The following COL6A5 variants were observed in gnomAD, a reference collection of about 807,000 sequenced individuals.
The protein encoded by COL6A5 is collagen alpha-5(VI) chain.
A neutral mutation model predicts 65.6 loss-of-function variants in COL6A5; 48 were observed. That is an observed-to-expected ratio of 0.73 (90% CI 0.58 to 0.93). The LOEUF (loss-of-function observed/expected upper bound fraction) is 0.93. Among genes scored for constraint, COL6A5 ranks in the 40% least tolerant of loss-of-function variants. COL6A5 has a pLI of 0.00. For synonymous variants in COL6A5, 291 were observed against 322.8 expected (o/e 0.90, Z 1.05); for missense variants, 914 against 928.3 (o/e 0.98, Z 0.20).
exon 8 of COL6A5, chr3:130,395,036 G>A (rs781494208): frequency 8.4e-6 from 13 of 1,551,468 alleles, no homozygotes; most frequent in Non-Finnish European, 9.6e-6. Flanking sequence ...AATTGGTATG[G>A]CTCAATTTGG....
At chr3:130,481,491 T>C (rs943995693) in intron 7 of COL6A5, among the ~76,000 whole-genome samples, 2 of 152,190 alleles carry the variant, frequency 1.3e-5, no homozygotes, top group Non-Finnish European at 2.9e-5. Flanking sequence ...TTGTGAATAG[T>C]GCTGCAGTAA....
chr3:130,388,570 TAACA>T lies in COL6A5; in HGVS notation c.1862-9_1862-6del. ...TGGTTATTTCTGGTCTTTTTTTTTATAACATGCAGGATGTGAAGACATGAAGGCC... is the reference window on the plus strand; with the variant it reads ...TGGTTATTTCTGGTCTTTTTTTTTATTGCAGGATGTGAAGACATGAAGGCC... On this transcript the variant is annotated splice_polypyrimidine_tract_variant and splice_region_variant and intron_variant and NMD_transcript_variant, in intron 5 of 41. Transcript: ENST00000312481. 6 of 1,499,632 alleles carry T rather than the reference TAACA, an allele frequency of 4.0e-6. No homozygotes were observed. The Admixed American group carries it at 1.2e-4, about 31-fold the overall frequency. 92.9% of individuals were successfully genotyped at this position (1,499,632 alleles called of 1,614,324 possible).
intron 1 of COL6A5, 113 bp from the exon 2 acceptor site, chr3:130,373,498 C>T (rs189764221): frequency 3.2e-4 from 192 of 608,592 alleles, no homozygotes; most frequent in Admixed American, 2.2e-4. Context: ...ACACACTTGG[C>T]ACTGCTTGAC....
At position 130,410,219 on chromosome 3, in the gene COL6A5, G is replaced by T; in HGVS notation, c.4608+145G>T. 4.3e-6 allele frequency: 3 copies of T among 694,818 alleles called. No homozygotes were observed. The South Asian group carries it at 6.0e-5, about 14-fold the overall frequency. The allele number at this position is 694,818 out of a possible 1,614,324, so 43.0% of individuals were successfully genotyped here. On this transcript the variant is annotated intron_variant and NMD_transcript_variant, in intron 19 of 41. Coordinates refer to the COL6A5 transcript ENST00000312481. ...CTTTATTTTTTGATGATGCATATTT[G>T]TAGTAGGGTATACTTTTAAGAGCAA...
intron 3 of COL6A5, among the ~76,000 whole-genome samples, chr3:130,441,494 T>C (rs1427814100): frequency 6.6e-6 from 1 of 152,170 alleles, no homozygotes; most frequent in Admixed American, 6.5e-5. Context: ...TTAAGGCAAT[T>C]TGACATTGAT....
rs1935943236 is a variant in COL6A5, at chr3:130,380,055, G to GT, written c.1300+11dup. On this transcript the variant is annotated splice_donor_region_variant and intron_variant and NMD_transcript_variant, in intron 4 of 41. Transcript: ENST00000312481. ...AAAGGAATCTTGATAAAACTGGTATGTTTTTTAAAATACTTTTCTAATTAT... is the reference window on the plus strand; with the variant it reads ...AAAGGAATCTTGATAAAACTGGTATGTTTTTTTAAAATACTTTTCTAATTAT... The GT allele has an allele frequency of 8.7e-6, 13 of 1,490,350 alleles. No homozygotes were observed. Among genetic ancestry groups the GT allele is most frequent in the Non-Finnish European group, 1.2e-5 (13 of 1,116,686 alleles). 92.3% of individuals were successfully genotyped at this position (1,490,350 alleles called of 1,614,324 possible).
intron 1 of COL6A5, among the ~76,000 whole-genome samples, chr3:130,351,401 T>C (rs1934700745): frequency 6.6e-6 from 1 of 152,202 alleles, no homozygotes; most frequent in Non-Finnish European, 1.5e-5. Flanking sequence ...AGAGAATTTT[T>C]GCAATCTACC....
chr3:130,418,807 T>C (rs1937437298), intron 24 of COL6A5, 62 bp from the exon 25 acceptor site: 1 of 1,345,412 alleles, frequency 7.4e-7, no homozygotes, highest in South Asian at 1.2e-5. Flanking sequence ...GGACAGAACT[T>C]ACCGTGGTAG....
intron 3 of COL6A5, among the ~76,000 whole-genome samples, chr3:130,441,750 G>T (rs1169477963): frequency 1.3e-5 from 2 of 152,060 alleles, no homozygotes; most frequent in South Asian, 2.1e-4. Context: ...AGAGGTCAGG[G>T]ATATTGCTAA....
chr3:130,388,740 T>C, exon 6 of COL6A5: 1 of 1,551,396 alleles, frequency 6.4e-7, no homozygotes, highest in Non-Finnish European at 8.7e-7. Flanking sequence ...AGTTCAGTGA[T>C]AAAACTAAGG....
chr3:130,463,489 A>G (rs1216312336), intron 5 of COL6A5, among the ~76,000 whole-genome samples: 1 of 151,970 alleles, frequency 6.6e-6, no homozygotes, highest in Admixed American at 6.6e-5. Context: ...GCTTCTCCCT[A>G]ATGTTACTGG....
upstream of COL6A5, chr3:130,429,649 C>A: frequency 4.4e-6 from 6 of 1,378,160 alleles, no homozygotes; most frequent in Non-Finnish European, 5.9e-6. Flanking sequence ...CAAGACCAAT[C>A]TGAAAGATGC....
chr3:130,440,040 A>T, intron 2 of COL6A5, 126 bp from the exon 35 acceptor site: 3 of 772,346 alleles, frequency 3.9e-6, no homozygotes, highest in Non-Finnish European at 4.1e-6. Flanking sequence ...AAATTATGTG[A>T]GATCAAAGAG....
At chr3:130,352,723 A>C (rs937549757) in intron 1 of COL6A5, among the ~76,000 whole-genome samples, 1 of 152,184 alleles carries the variant, frequency 6.6e-6, no homozygotes, top group Non-Finnish European at 1.5e-5. Flanking sequence ...AGAAGAAATG[A>C]GATAATAAAG....
intron 17 of COL6A5, among the ~76,000 whole-genome samples, chr3:130,408,883 G>A (rs975720113): frequency 6.6e-6 from 1 of 152,182 alleles, no homozygotes; most frequent in Non-Finnish European, 1.5e-5. Flanking sequence ...TATAGATGTT[G>A]GAAGTTGCTA....
rs538662430 is a variant in COL6A5 at position 130,358,437 on chromosome 3, A to G, written c.-29+12456A>G. On this transcript the variant is annotated intron_variant and NMD_transcript_variant, in intron 1 of 41. Coordinates refer to the COL6A5 transcript ENST00000312481. Reference sequence around the variant, plus strand: ...TTTAGTAACATGAGTAAGAGAAAAGATTCAATTTACAATAGCAACAAATAT... The same window carrying G: ...TTTAGTAACATGAGTAAGAGAAAAGGTTCAATTTACAATAGCAACAAATAT... Among the ~76,000 whole-genome samples the G allele has an allele frequency of 1.3e-4, 20 of 152,320 alleles. No homozygotes were observed. In the East Asian group the frequency reaches 3.9e-3, roughly 29 times the overall value.
exon 8 of COL6A5, chr3:130,395,375 AT>A (rs1247271108): frequency 2.6e-6 from 4 of 1,547,444 alleles, no homozygotes; most frequent in African/African-American, 1.4e-5. Flanking sequence ...TTCTGAAAAA[AT>A]AATCACTTTT....
upstream of COL6A5, among the ~76,000 whole-genome samples, chr3:130,426,625 C>A (rs545068354): frequency 2.6e-5 from 4 of 152,002 alleles, no homozygotes; most frequent in Non-Finnish European, 5.9e-5. Flanking sequence ...ATGCAGACAT[C>A]AAGAGAAAAC....
rs1937274196 is a variant in COL6A5, at chr3:130,414,269, G to A, written c.4761+138G>A. ...TTTTGCATTCCCTATCATGGGGTGGGGGGTGATTTCATTCCATCAAACTTG... is the reference window on the plus strand; with the variant it reads ...TTTTGCATTCCCTATCATGGGGTGGAGGGTGATTTCATTCCATCAAACTTG... On this transcript the variant is annotated intron_variant and NMD_transcript_variant, in intron 22 of 41. Coordinates refer to the COL6A5 transcript ENST00000312481. 4 of 690,978 alleles carry A rather than the reference G, an allele frequency of 5.8e-6. No individual in the cohort carries two copies. The Admixed American group carries it at 7.9e-5, about 14-fold the overall frequency. 42.8% of individuals were successfully genotyped at this position (690,978 alleles called of 1,614,324 possible).
Sources: allele counts gnomAD v4.1 joint callset (sites outside exome capture counted in the v4.1 genomes callset), GRCh38; gene constraint gnomAD v4.1.1; transcripts MANE v1.5; gene names NCBI Gene and HGNC (gene_info 2026-07-23, HGNC 2026-07-21).